Variants in CNTN4 observed in about 807,000 individuals in gnomAD.
CNTN4 encodes contactin 4, also known as contactin-4.
In CNTN4, 77 loss-of-function variants were observed where a neutral mutation model predicts 122.5. That is an observed-to-expected ratio of 0.63 (90% CI 0.52 to 0.76). The LOEUF (loss-of-function observed/expected upper bound fraction) is 0.76, where lower values mean the gene tolerates loss of function less well. CNTN4 is among the 30% of genes least tolerant of loss of function. CNTN4 has a pLI of 0.00. For missense variants in CNTN4, 1,256 were observed against 1,259.1 expected, an observed-to-expected ratio of 1.00 and a Z score of 0.04; for synonymous variants, 512 against 447.0, an observed-to-expected ratio of 1.15 and a Z score of -1.83.
intron 6 of CNTN4, among the ~76,000 whole-genome samples, chr3:2,759,395 C>T (rs2090485411): frequency 6.6e-6 from 1 of 152,178 alleles, no homozygotes; most frequent in South Asian, 2.1e-4. Context: ...GATCTGCCCG[C>T]CTCGGCCTCC....
chr3:2,476,655 G>A (rs1485448949), intron 3 of CNTN4, among the ~76,000 whole-genome samples: 4 of 152,196 alleles, frequency 2.6e-5, no homozygotes, highest in Non-Finnish European at 5.9e-5. Flanking sequence ...GACTATAGAT[G>A]TGCGTGGAGG....
At chr3:3,012,026 T>A (rs1697282111) in intron 14 of CNTN4, among the ~76,000 whole-genome samples, 1 of 152,120 alleles carries the variant, frequency 6.6e-6, no homozygotes, top group African/African-American at 2.4e-5. Flanking sequence ...GACTTACAAG[T>A]CAAATAACTT....
At chr3:2,452,648 C>A (rs780348755) in intron 3 of CNTN4, among the ~76,000 whole-genome samples, 1 of 152,110 alleles carries the variant, frequency 6.6e-6, no homozygotes, top group African/African-American at 2.4e-5. Context: ...TGGTATTTAT[C>A]TTTAATGAAT....
At chr3:2,782,210 G>C (rs1424488089) in intron 6 of CNTN4, among the ~76,000 whole-genome samples, 2 of 151,924 alleles carry the variant, frequency 1.3e-5, no homozygotes, top group African/African-American at 4.8e-5. Flanking sequence ...TCTGACCCCA[G>C]CTTCCCTTCT....
intron 3 of CNTN4, among the ~76,000 whole-genome samples, chr3:2,537,905 C>T (rs534951810): frequency 5.7e-4 from 87 of 152,080 alleles, no homozygotes; most frequent in African/African-American, 1.9e-3. Flanking sequence ...CCCTCCTTCC[C>T]GTCAAGTCTC....
At chr3:2,440,251 G>A (rs529704060) in intron 3 of CNTN4, among the ~76,000 whole-genome samples, 2 of 151,982 alleles carry the variant, frequency 1.3e-5, no homozygotes, top group African/African-American at 2.4e-5. Flanking sequence ...GTAAACTATC[G>A]CAAGGACAAA....
chr3:2,465,562 A>C (rs2075467309), intron 3 of CNTN4, among the ~76,000 whole-genome samples: 1 of 152,166 alleles, frequency 6.6e-6, no homozygotes, highest in Non-Finnish European at 1.5e-5. Flanking sequence ...CTGTAGTCCC[A>C]GCTACTCAGG....
intron 10 of CNTN4, among the ~76,000 whole-genome samples, chr3:2,891,929 A>G (rs973575920): frequency 1.3e-5 from 2 of 152,222 alleles, no homozygotes; most frequent in African/African-American, 4.8e-5. Context: ...ACCATTGCCA[A>G]TATCCAGGTG....
intron 3 of CNTN4, among the ~76,000 whole-genome samples, chr3:2,523,742 C>T (rs2077304212): frequency 6.6e-6 from 1 of 152,042 alleles, no homozygotes; most frequent in Non-Finnish European, 1.5e-5. Flanking sequence ...GAGAGGTCTC[C>T]TTAGCTTTAT....
At chr3:2,683,092 C>A (rs2085248202) in intron 4 of CNTN4, among the ~76,000 whole-genome samples, 1 of 152,110 alleles carries the variant, frequency 6.6e-6, no homozygotes, top group South Asian at 2.1e-4. Context: ...AATCCACCAC[C>A]ATTATTTTTA....
At chr3:2,341,219 A>G (rs1407464702) in intron 3 of CNTN4, among the ~76,000 whole-genome samples, 3 of 152,218 alleles carry the variant, frequency 2.0e-5, no homozygotes, top group Middle Eastern at 6.8e-3. Flanking sequence ...CTATTCATTC[A>G]TATATCTTTG....
chr3:2,258,616 A>T (rs905180448), intron 2 of CNTN4, among the ~76,000 whole-genome samples: 4 of 152,172 alleles, frequency 2.6e-5, no homozygotes, highest in Non-Finnish European at 5.9e-5. Flanking sequence ...AACCTACCAC[A>T]CATAATATAA....
At chr3:2,170,189 C>G (rs563705843) in intron 2 of CNTN4, among the ~76,000 whole-genome samples, 16,461 of 149,352 alleles carry the variant, frequency 0.11, 1,529 homozygotes, top group African/African-American at 0.27. Context: ...GGCGTGGTGG[C>G]GGCGCCTGTA....
chr3:2,115,705 A>G (rs1254542999), intron 2 of CNTN4, among the ~76,000 whole-genome samples: 2 of 152,222 alleles, frequency 1.3e-5, no homozygotes, highest in African/African-American at 4.8e-5. Flanking sequence ...GTATAGCTTT[A>G]TTCAAAGGGA....
chr3:2,758,944 C>A (rs1287977057), intron 6 of CNTN4, among the ~76,000 whole-genome samples: 2 of 152,082 alleles, frequency 1.3e-5, no homozygotes. Context: ...AATTTCAGAA[C>A]ATTTTCATCC....
intron 4 of CNTN4, among the ~76,000 whole-genome samples, chr3:2,572,334 C>G (rs572319063): frequency 6.6e-6 from 1 of 152,058 alleles, no homozygotes; most frequent in Admixed American, 6.5e-5. Flanking sequence ...TGCAGTGAGC[C>G]GAGATCGCGC....
chr3:2,276,606 A>T (rs771146009), intron 2 of CNTN4, among the ~76,000 whole-genome samples: 1 of 152,172 alleles, frequency 6.6e-6, no homozygotes, highest in South Asian at 2.1e-4. Context: ...TTCTCAATAA[A>T]TAGCTTTTGT....
chr3:2,887,109 G>A lies in CNTN4; in HGVS notation c.825G>A (p.Lys275=), dbSNP rs867785736. Residue 275 remains lysine, a synonymous_variant, in exon 10 of 25, where the codon AAG becomes AAA. Transcript: ENST00000418658. ...TAGCAAGGAAAGCCAGAAGACACAA[G>A]TCAAATGGAATTCTTGAGATCCCTA... The part of the protein sequence containing the change: ...KPIARKARRH[K]SNGILEIPNF... 1.2e-6 allele frequency: 2 copies of A among 1,614,150 alleles called. No homozygotes were observed. Among genetic ancestry groups the A allele is most frequent in the African/African-American group, 2.7e-5 (2 of 75,056 alleles).
intron 4 of CNTN4, among the ~76,000 whole-genome samples, chr3:2,708,185 C>A (rs940784946): frequency 6.6e-6 from 1 of 152,116 alleles, no homozygotes; most frequent in African/African-American, 2.4e-5. Context: ...TAGTTATTTA[C>A]TTCAAAATGA....
Sources: allele counts gnomAD v4.1 joint callset (sites outside exome capture counted in the v4.1 genomes callset), GRCh38; gene constraint gnomAD v4.1.1; transcripts MANE v1.5; gene names NCBI Gene and HGNC (gene_info 2026-07-23, HGNC 2026-07-21).